The following FJX1 variants were observed in gnomAD, a reference collection of about 807,000 sequenced individuals.
The protein encoded by FJX1 is four-jointed box kinase 1, also known as four-jointed box protein 1.
Under a neutral mutation model 28.7 loss-of-function variants are expected in FJX1, and 21 were observed. That is an observed-to-expected ratio of 0.73 (90% CI 0.52 to 1.05). The LOEUF is 1.05. FJX1 is among the 50% of genes least tolerant of loss of function. The pLI, the probability that FJX1 is intolerant of heterozygous loss-of-function variation, is 0.00. For synonymous variants in FJX1, 363 were observed against 310.0 expected, an observed-to-expected ratio of 1.17 and a Z score of -1.80; for missense variants, 683 against 647.2, an observed-to-expected ratio of 1.06 and a Z score of -0.60.
At position 35,619,335 on chromosome 11, in the gene FJX1, C is replaced by A; in HGVS notation, c.699C>A (p.His233Gln). The change falls in exon 1 of 1, where the codon CAC becomes CAA. Residue 233 changes from histidine to glutamine, a missense_variant. His to Gln is a conservative substitution (Grantham distance 24, BLOSUM62 0). Coordinates refer to ENST00000317811, the MANE Select transcript of FJX1 (RefSeq NM_014344.4). The surrounding 1 kb of genome is among the most constrained non-coding windows in gnomAD (Gnocchi z 7.6). ...TGCAGGAGGAGCTGCGCGCTGCGCA[C>A]TGGACCGAGGGCAGCGTGGTGAGCC... The part of the protein sequence containing the change: ...AQVQEELRAA[H>Q]WTEGSVVSLT... The A allele has an allele frequency of 3.8e-6, 6 of 1,569,656 alleles. No homozygotes were observed. The highest frequency in any genetic ancestry group is 5.1e-6 in the Non-Finnish European group (6 of 1,166,052).
Position 35,619,259 on chromosome 11 carries a change from C to G in FJX1, c.623C>G (p.Pro208Arg). 1 of 1,568,504 alleles carries G rather than the reference C, an allele frequency of 6.4e-7. No homozygotes were observed. The highest frequency in any genetic ancestry group is 8.6e-7 in the Non-Finnish European group (1 of 1,167,044). ...ARLLGLQRHVPPLALARVEAR... is the reference protein window; with the variant it reads ...ARLLGLQRHVRPLALARVEAR... ...CTGCTGGGCCTCCAGCGCCACGTGC[C>G]GCCGCTGGCACTGGCTCGGGTGGAG... Residue 208 changes from proline (P) to arginine (R), a missense_variant, in exon 1 of 1, where the codon CCG (proline) becomes CGG (arginine). Transcript: ENST00000317811. This position sits in a 1 kb window ranked among gnomAD's most constrained non-coding sequence, Gnocchi z 7.6.
rs1252019615 is a variant in FJX1 at position 35,619,393 on chromosome 11, G to T, written c.757G>T (p.Val253Leu). The T allele has an allele frequency of 6.3e-7, 1 of 1,595,138 alleles. No homozygotes were observed. The change falls in exon 1 of 1, where the codon GTG becomes TTG. Residue 253 changes from valine to leucine, a missense_variant. Val to Leu is a conservative substitution (Grantham distance 32). Transcript: ENST00000317811. This position sits in a 1 kb window ranked among gnomAD's most constrained non-coding sequence, Gnocchi z 7.6. ...CTGGCTGCCCAACCTCACGGACGTG[G>T]TGGTGCCCGCGCCCTGGCGCTCGGA... Reference protein sequence around the residue: ...TRWLPNLTDVVVPAPWRSEDG... With the variant: ...TRWLPNLTDVLVPAPWRSEDG...
rs191145130 is a variant in FJX1, at chr11:35,620,728, A to G, written c.*778A>G. ...AAAAAAAATCAGTTTTATGCACTTT[A>G]TTTTGTTTTGATTTTCATTTTTTAT... On this transcript the variant is annotated 3_prime_UTR_variant, in exon 1 of 1. Coordinates refer to ENST00000317811, the MANE Select transcript of FJX1 (RefSeq NM_014344.4). The G allele has an allele frequency of 1.3e-4, 20 of 149,490 alleles. No individual in the cohort carries two copies. Among genetic ancestry groups the G allele is most frequent in the African/African-American group, 7.7e-4 (19 of 24,780 alleles). 9.3% of individuals were successfully genotyped at this position (149,490 alleles called of 1,614,324 possible). A position where few individuals can be genotyped will look rare whatever the true frequency, so the allele number is the denominator to read the frequency against.
rs1204933360 is a variant in FJX1 at position 35,619,296 on chromosome 11, G to T, written c.660G>T (p.Ala220=). The T allele has an allele frequency of 3.9e-6, 6 of 1,554,200 alleles. No homozygotes were observed. Among genetic ancestry groups the T allele is most frequent in the East Asian group, 2.4e-5 (1 of 41,550 alleles). The part of the protein sequence containing the change: ...LALARVEARG[A]QWAQVQEELR... ...TGGCTCGGGTGGAGGCTCGGGGCGC[G>T]CAGTGGGCGCAGGTGCAGGAGGAGC... Residue 220 remains alanine, a synonymous_variant, in exon 1 of 1, where the codon GCG becomes GCT. Transcript: ENST00000317811. This position sits in a 1 kb window ranked among gnomAD's most constrained non-coding sequence, Gnocchi z 7.6.
Position 35,618,810 on chromosome 11 carries a change from C to T in FJX1, c.174C>T (p.Pro58=). The T allele has an allele frequency of 7.9e-7, 1 of 1,262,322 alleles. No homozygotes were observed. Among genetic ancestry groups the T allele is most frequent in the Non-Finnish European group, 9.9e-7 (1 of 1,008,380 alleles). 78.2% of individuals were successfully genotyped at this position (1,262,322 alleles called of 1,614,324 possible). Reference sequence around the variant, plus strand: ...CGGCCCGGAGCGGCGGCCCCGCGCCCGCGCCTCGCTTCCCTCTGCCCCCGC... The same window carrying T: ...CGGCCCGGAGCGGCGGCCCCGCGCCTGCGCCTCGCTTCCCTCTGCCCCCGC... ...RRPARSGGPA[P]APRFPLPPPL... is the part of the protein sequence containing the mutation. The change falls in exon 1 of 1, where the codon CCC becomes CCT. Residue 58 remains proline, a synonymous_variant. Coordinates refer to ENST00000317811, the MANE Select transcript of FJX1 (RefSeq NM_014344.4). This position sits in a 1 kb window ranked among gnomAD's most constrained non-coding sequence, Gnocchi z 4.2.
Position 35,619,276 on chromosome 11 carries a change from C to G in FJX1, c.640C>G (p.Arg214Gly), listed in dbSNP as rs1220377480. 6.4e-7 allele frequency: 1 copy of G among 1,562,358 alleles called. No homozygotes were observed. The highest frequency in any genetic ancestry group is 1.8e-5 in the Admixed American group (1 of 54,236). ...QRHVPPLALA[R>G]VEARGAQWAQ... ...CCACGTGCCGCCGCTGGCACTGGCT[C>G]GGGTGGAGGCTCGGGGCGCGCAGTG... Residue 214 changes from arginine to glycine, a missense_variant, in exon 1 of 1, where the codon CGG (arginine) becomes GGG (glycine). Transcript: ENST00000317811. The surrounding 1 kb of genome is among the most constrained non-coding windows in gnomAD (Gnocchi z 7.6).
chr11:35,618,876 C>T lies in FJX1; in HGVS notation c.240C>T (p.Phe80=), dbSNP rs1344108909. The change falls in exon 1 of 1, where the codon TTC becomes TTT. Residue 80 remains phenylalanine, a synonymous_variant. Coordinates refer to ENST00000317811, the MANE Select transcript of FJX1 (RefSeq NM_014344.4). This position sits in a 1 kb window ranked among gnomAD's most constrained non-coding sequence, Gnocchi z 4.2. ...CCCGCGGCGGCTCCCTGAAAACTTT[C>T]CGGGCGCTGCTCACCCTGGCGGCCG... is the stretch of plus-strand genomic sequence containing the variant. ...WDARGGSLKT[F]RALLTLAAGA... is the part of the protein sequence containing the mutation. 2.2e-6 allele frequency: 3 copies of T among 1,371,406 alleles called. No homozygotes were observed. Among genetic ancestry groups the T allele is most frequent in the Admixed American group, 6.5e-5 (2 of 30,664 alleles). The allele number at this position is 1,371,406 out of a possible 1,614,324, so 85.0% of individuals were successfully genotyped here. A position where few individuals can be genotyped will look rare whatever the true frequency, so the allele number is the denominator to read the frequency against.
Position 35,619,834 on chromosome 11 carries a change from C to A in FJX1, c.1198C>A (p.Pro400Thr). 2 of 1,552,538 alleles carry A rather than the reference C, an allele frequency of 1.3e-6. No individual in the cohort carries two copies. The highest frequency in any genetic ancestry group is 1.7e-6 in the Non-Finnish European group (2 of 1,148,336). ...CTACCGGCGCCACGAGCCTCGCTTCCCCGAGCTGGCCGCCCTTGCAGACCC... is the reference window on the plus strand; with the variant it reads ...CTACCGGCGCCACGAGCCTCGCTTCACCGAGCTGGCCGCCCTTGCAGACCC... ...RLYRRHEPRF[P>T]ELAALADPHA... Residue 400 changes from proline (P) to threonine (T), a missense_variant, in exon 1 of 1, where the codon CCC becomes ACC. Pro to Thr is a conservative substitution (Grantham distance 38). Coordinates refer to ENST00000317811, the MANE Select transcript of FJX1 (RefSeq NM_014344.4). The surrounding 1 kb of genome is among the most constrained non-coding windows in gnomAD (Gnocchi z 7.6).
chr11:35,619,880 G>A lies in FJX1; in HGVS notation c.1244G>A (p.Arg415His), dbSNP rs12286850. ...GACCCCCACGCTCAGCTGCTACAGC[G>A]CCGCCTCGACTTCCTCGCCAAGCAC... is the stretch of plus-strand genomic sequence containing the variant. Reference protein sequence around the residue: ...LADPHAQLLQRRLDFLAKHIL... With the variant: ...LADPHAQLLQHRLDFLAKHIL... The change falls in exon 1 of 1, where the codon CGC becomes CAC. Residue 415 changes from arginine (R) to histidine (H), a missense_variant. Arg to His is a conservative substitution (Grantham distance 29). Transcript: ENST00000317811. This position sits in a 1 kb window ranked among gnomAD's most constrained non-coding sequence, Gnocchi z 7.6. The A allele has an allele frequency of 0.012, 18,911 of 1,569,888 alleles. 2,080 individuals carry two copies. In the African/African-American group the frequency reaches 0.23, roughly 19 times the overall value.
chr11:35,620,624 C>T lies in FJX1; in HGVS notation c.*674C>T, dbSNP rs1222066539. 6.0e-6 allele frequency: 1 copy of T among 166,970 alleles called. No homozygotes were observed. Among genetic ancestry groups the T allele is most frequent in the Non-Finnish European group, 1.5e-5 (1 of 68,118 alleles). 10.3% of individuals were successfully genotyped at this position (166,970 alleles called of 1,614,324 possible). A position where few individuals can be genotyped will look rare whatever the true frequency, so the allele number is the denominator to read the frequency against. On this transcript the variant is annotated 3_prime_UTR_variant, in exon 1 of 1. Transcript: ENST00000317811. ...ACAAATTCAGGGTCAGCTGTATGCA[C>T]TAAGTCAAATAATGAATTTCTTCCT... is the stretch of plus-strand genomic sequence containing the variant.
rs1850850256 is a variant in FJX1, at chr11:35,618,587, C to T, written c.-50C>T. On this transcript the variant is annotated 5_prime_UTR_variant, in exon 1 of 1. Coordinates refer to ENST00000317811, the MANE Select transcript of FJX1 (RefSeq NM_014344.4). This position sits in a 1 kb window ranked among gnomAD's most constrained non-coding sequence, Gnocchi z 4.2. ...CCGCCTCGCCGCCGGGACCCGGGTG[C>T]CTGGGCTCGGCTTGAAGCGGCGGCG... 1.8e-6 allele frequency: 2 copies of T among 1,104,822 alleles called. No individual in the cohort carries two copies. The highest frequency in any genetic ancestry group is 2.2e-6 in the Non-Finnish European group (2 of 908,158). 68.4% of individuals were successfully genotyped at this position (1,104,822 alleles called of 1,614,324 possible).
In FJX1 at chr11:35,619,994, A is replaced by G; in HGVS notation, c.*44A>G. 6.4e-7 allele frequency: 1 copy of G among 1,558,132 alleles called. No homozygotes were observed. Among genetic ancestry groups the G allele is most frequent in the African/African-American group, 1.4e-5 (1 of 73,434 alleles). On this transcript the variant is annotated 3_prime_UTR_variant, in exon 1 of 1. Coordinates refer to ENST00000317811, the MANE Select transcript of FJX1 (RefSeq NM_014344.4). This position sits in a 1 kb window ranked among gnomAD's most constrained non-coding sequence, Gnocchi z 7.6. ...AGAGAGATCTGGGGCTGGGGTATGG[A>G]TGATGGGGGGAAGGGCGGTCGCCTC... is the stretch of plus-strand genomic sequence containing the variant.
Position 35,619,532 on chromosome 11 carries a change from C to T in FJX1, c.896C>T (p.Thr299Met). The T allele has an allele frequency of 1.2e-6, 2 of 1,600,618 alleles. No homozygotes were observed. Among genetic ancestry groups the T allele is most frequent in the African/African-American group, 1.3e-5 (1 of 75,056 alleles). Reference sequence around the variant, plus strand: ...GACTTAATCCTTTTCGACTACCTGACGGCCAACTTCGACCGGCTCGTAAGC... The same window carrying T: ...GACTTAATCCTTTTCGACTACCTGATGGCCAACTTCGACCGGCTCGTAAGC... ...WTDLILFDYLTANFDRLVSNL... is the reference protein window; with the variant it reads ...WTDLILFDYLMANFDRLVSNL... The change falls in exon 1 of 1, where the codon ACG (threonine) becomes ATG (methionine). Residue 299 changes from threonine (T) to methionine (M), a missense_variant. By Grantham distance (81) the Thr-to-Met change is moderately conservative. Coordinates refer to ENST00000317811, the MANE Select transcript of FJX1 (RefSeq NM_014344.4). The surrounding 1 kb of genome is among the most constrained non-coding windows in gnomAD (Gnocchi z 7.6).
Position 35,619,726 on chromosome 11 carries a change from G to C in FJX1, c.1090G>C (p.Val364Leu). 6.3e-7 allele frequency: 1 copy of C among 1,584,304 alleles called. No individual in the cohort carries two copies. The highest frequency in any genetic ancestry group is 8.6e-7 in the Non-Finnish European group (1 of 1,166,712). The stretch of plus-strand genomic sequence containing the variant: ...GTATAACGAGCCGCTGTTGCAGTCA[G>C]TGTGCGTGTTCCGCGAGCGGACCGC... Reference protein sequence around the residue: ...DKYNEPLLQSVCVFRERTARR... With the variant: ...DKYNEPLLQSLCVFRERTARR... Residue 364 changes from valine to leucine, a missense_variant, in exon 1 of 1, where the codon GTG becomes CTG. Coordinates refer to ENST00000317811, the MANE Select transcript of FJX1 (RefSeq NM_014344.4). The surrounding 1 kb of genome is among the most constrained non-coding windows in gnomAD (Gnocchi z 7.6).
Position 35,619,427 on chromosome 11 carries a change from G to T in FJX1, c.791G>T (p.Arg264Leu). 6.3e-7 allele frequency: 1 copy of T among 1,598,078 alleles called. No individual in the cohort carries two copies. Among genetic ancestry groups the T allele is most frequent in the Non-Finnish European group, 8.5e-7 (1 of 1,179,410 alleles). ...VPAPWRSEDG[R>L]LRPLRDAGGE... ...GCGCCCTGGCGCTCGGAGGACGGCC[G>T]TCTGCGCCCCCTCCGGGATGCCGGG... Residue 264 changes from arginine (R) to leucine (L), a missense_variant, in exon 1 of 1, where the codon CGT (arginine) becomes CTT (leucine). By Grantham distance (102) the Arg-to-Leu change is moderately radical. Coordinates refer to ENST00000317811, the MANE Select transcript of FJX1 (RefSeq NM_014344.4). This position sits in a 1 kb window ranked among gnomAD's most constrained non-coding sequence, Gnocchi z 7.6.
At position 35,619,793 on chromosome 11, in the gene FJX1, C is replaced by A. The variant is rs1366055111; in HGVS notation, c.1157C>A (p.Ala386Asp). ...LELHRGQDAA[A>D]RLLRLYRRHE... ...CTGCACCGCGGACAGGACGCCGCGG[C>A]CCGGCTGCTGCGCCTCTACCGGCGC... Residue 386 changes from alanine to aspartate, a missense_variant, in exon 1 of 1, where the codon GCC becomes GAC. Coordinates refer to ENST00000317811, the MANE Select transcript of FJX1 (RefSeq NM_014344.4). This position sits in a 1 kb window ranked among gnomAD's most constrained non-coding sequence, Gnocchi z 7.6. The A allele has an allele frequency of 6.5e-7, 1 of 1,549,866 alleles. No homozygotes were observed.
In FJX1 at chr11:35,618,754, C is replaced by G; in HGVS notation, c.118C>G (p.Arg40Gly). ...GCCGCGGACCGAGCTGCCCGCCTCC[C>G]GGCCGCCCGAAGACCGACTCCCACG... The part of the protein sequence containing the change: ...LPPRTELPAS[R>G]PPEDRLPRRP... The change falls in exon 1 of 1, where the codon CGG (arginine) becomes GGG (glycine). Residue 40 changes from arginine to glycine, a missense_variant. Arg to Gly is a moderately radical substitution (Grantham distance 125). Coordinates refer to ENST00000317811, the MANE Select transcript of FJX1 (RefSeq NM_014344.4). The surrounding 1 kb of genome is among the most constrained non-coding windows in gnomAD (Gnocchi z 4.2). 7.9e-7 allele frequency: 1 copy of G among 1,263,762 alleles called. No individual in the cohort carries two copies. The allele number at this position is 1,263,762 out of a possible 1,614,324, so 78.3% of individuals were successfully genotyped here.
At position 35,619,822 on chromosome 11, in the gene FJX1, G is replaced by A. The variant is rs1246962700; in HGVS notation, c.1186G>A (p.Glu396Lys). The change falls in exon 1 of 1, where the codon GAG becomes AAG. Residue 396 changes from glutamate (E) to lysine (K), a missense_variant. Physicochemically the swap from Glu to Lys is moderately conservative, Grantham distance 56. Transcript: ENST00000317811. This position sits in a 1 kb window ranked among gnomAD's most constrained non-coding sequence, Gnocchi z 7.6. ...ARLLRLYRRH[E>K]PRFPELAALA... Reference sequence around the variant, plus strand: ...GCTGCTGCGCCTCTACCGGCGCCACGAGCCTCGCTTCCCCGAGCTGGCCGC... The same window carrying A: ...GCTGCTGCGCCTCTACCGGCGCCACAAGCCTCGCTTCCCCGAGCTGGCCGC... 1.9e-6 allele frequency: 3 copies of A among 1,551,336 alleles called. No homozygotes were observed. The highest frequency in any genetic ancestry group is 2.4e-5 in the East Asian group (1 of 40,920).
chr11:35,618,733 C>G lies in FJX1; in HGVS notation c.97C>G (p.Arg33Gly). ...LALWGGLLPP[R>G]TELPASRPPE... is the part of the protein sequence containing the mutation. The stretch of plus-strand genomic sequence containing the variant: ...GCTGTGGGGAGGGCTCCTGCCGCCG[C>G]GGACCGAGCTGCCCGCCTCCCGGCC... The change falls in exon 1 of 1, where the codon CGG (arginine) becomes GGG (glycine). Residue 33 changes from arginine (R) to glycine (G), a missense_variant. Transcript: ENST00000317811. The surrounding 1 kb of genome is among the most constrained non-coding windows in gnomAD (Gnocchi z 4.2). 1 of 1,256,626 alleles carries G rather than the reference C, an allele frequency of 8.0e-7. No homozygotes were observed. The highest frequency in any genetic ancestry group is 1.0e-6 in the Non-Finnish European group (1 of 986,872). The allele number at this position is 1,256,626 out of a possible 1,614,324, so 77.8% of individuals were successfully genotyped here. A position where few individuals can be genotyped will look rare whatever the true frequency, so the allele number is the denominator to read the frequency against.
Sources: allele counts gnomAD v4.1 joint callset, GRCh38; gene constraint gnomAD v4.1.1; non-coding constraint Gnocchi (gnomAD v3.1); transcripts MANE v1.5; gene names NCBI Gene and HGNC (gene_info 2026-07-23, HGNC 2026-07-21).